RAD54L2: variants seen among roughly 807,000 people sequenced by gnomAD.
RAD54L2 encodes helicase ARIP4.
RAD54L2 carries 27 observed loss-of-function variants against 138.4 expected under a neutral mutation model. That is an observed-to-expected ratio of 0.20 (90% CI 0.14 to 0.27). The LOEUF (loss-of-function observed/expected upper bound fraction) is 0.27, where lower values mean the gene tolerates loss of function less well. RAD54L2 is among the 10% of genes least tolerant of loss of function. RAD54L2 has a pLI of 1.00. For synonymous variants in RAD54L2, 644 were observed against 723.2 expected (o/e 0.89, Z 1.76); for missense variants, 1,396 against 1,890.2 (o/e 0.74, Z 4.85).
intron 2 of RAD54L2, among the ~76,000 whole-genome samples, chr3:51,587,132 G>T (rs948829317): frequency 1.1e-4 from 16 of 149,984 alleles, no homozygotes; most frequent in African/African-American, 3.2e-4. Context: ...TGGGAGTCTC[G>T]CTGTGTCGCC....
chr3:51,602,417 C>T (rs1278212382), intron 3 of RAD54L2, among the ~76,000 whole-genome samples: 5 of 152,188 alleles, frequency 3.3e-5, no homozygotes, highest in Admixed American at 6.5e-5. Context: ...TGTGAATCTA[C>T]GTGACTACTC....
chr3:51,607,828 C>CGGGGCGGCTGGGCA (rs1215452542), intron 3 of RAD54L2, among the ~76,000 whole-genome samples: 5 of 150,078 alleles, frequency 3.3e-5, no homozygotes, highest in Non-Finnish European at 7.4e-5. Flanking sequence ...ACCTCCCAGA[C>CGGGGCGGCTGGGCA]GGGGCGGCTG....
At position 51,594,440 on chromosome 3, in the gene RAD54L2, G is replaced by A. The variant is rs542178546; in HGVS notation, c.139+3881G>A. ...GATACATTTTACAGATGGGGAAACT[G>A]GGGCTCAGAAAGGTGAGTGGCTTAC... is the stretch of plus-strand genomic sequence containing the variant. On this transcript the variant is annotated intron_variant, in intron 3 of 22. Coordinates refer to ENST00000684192, the MANE Select transcript of RAD54L2 (RefSeq NM_015106.4). 2.0e-5 allele frequency among the ~76,000 whole-genome samples: 3 copies of A among 152,280 alleles called. No individual in the cohort carries two copies. The South Asian group carries it at 6.2e-4, about 32-fold the overall frequency.
chr3:51,610,330 A>G lies in RAD54L2; in HGVS notation c.140-17223A>G, dbSNP rs1333415362. On this transcript the variant is annotated intron_variant, in intron 3 of 22. Transcript: ENST00000684192. ...AAAGAATGAATCTTTGGGACCGGGC[A>G]TGGTGGCTCACGCCTGTAATCCCAG... Among the ~76,000 whole-genome samples the G allele has an allele frequency of 1.3e-5, 2 of 152,050 alleles. 1 individual carries two copies. The highest frequency in any genetic ancestry group is 2.9e-5 in the Non-Finnish European group (2 of 68,004).
At chr3:51,555,758 T>G (rs937677233) in intron 2 of RAD54L2, among the ~76,000 whole-genome samples, 1 of 152,194 alleles carries the variant, frequency 6.6e-6, no homozygotes, top group African/African-American at 2.4e-5. Flanking sequence ...TTAAATATTT[T>G]ACAGTTAGAT....
chr3:51,576,279 G>A (rs1198625746), intron 2 of RAD54L2, among the ~76,000 whole-genome samples: 1 of 152,158 alleles, frequency 6.6e-6, no homozygotes, highest in Non-Finnish European at 1.5e-5. Flanking sequence ...TTGCATCGAT[G>A]TTCATCAGGG....
intron 19 of RAD54L2, among the ~76,000 whole-genome samples, chr3:51,652,215 C>T (rs1701458319): frequency 6.6e-6 from 1 of 152,116 alleles, no homozygotes; most frequent in South Asian, 2.1e-4. Flanking sequence ...ACCTAGGAAT[C>T]CAACTTACAA....
intron 2 of RAD54L2, among the ~76,000 whole-genome samples, chr3:51,559,434 T>G (rs992538976): frequency 6.6e-6 from 1 of 152,208 alleles, no homozygotes; most frequent in Non-Finnish European, 1.5e-5. Context: ...TGTCTTACAC[T>G]TGGTAACTCG....
chr3:51,592,310 G>A (rs1364213705), intron 3 of RAD54L2, among the ~76,000 whole-genome samples: 1 of 151,808 alleles, frequency 6.6e-6, no homozygotes, highest in Non-Finnish European at 1.5e-5. Context: ...TGATCTGCCC[G>A]CCTTGGCCTC....
At chr3:51,566,328 A>G (rs1314251050) in intron 2 of RAD54L2, among the ~76,000 whole-genome samples, 1 of 152,040 alleles carries the variant, frequency 6.6e-6, no homozygotes, top group African/African-American at 2.4e-5. Context: ...TTTAAAGGGT[A>G]CACTCCCAGT....
chr3:51,622,361 T>G (rs1700585097), intron 3 of RAD54L2, among the ~76,000 whole-genome samples: 1 of 152,064 alleles, frequency 6.6e-6, no homozygotes, highest in African/African-American at 2.4e-5. Context: ...TTTGGGAGGC[T>G]TTTTGTAATA....
At chr3:51,571,617 C>T (rs1246288820) in intron 2 of RAD54L2, among the ~76,000 whole-genome samples, 1 of 151,964 alleles carries the variant, frequency 6.6e-6, no homozygotes, top group Non-Finnish European at 1.5e-5. Context: ...ACCTGCACAC[C>T]TGGGCCTCCC....
At chr3:51,557,354 T>A (rs1698996151) in intron 2 of RAD54L2, among the ~76,000 whole-genome samples, 1 of 151,842 alleles carries the variant, frequency 6.6e-6, no homozygotes, top group Non-Finnish European at 1.5e-5. Flanking sequence ...AGCTAATTTT[T>A]AAATTTATGT....
Position 51,543,669 on chromosome 3 carries a change from GC to G in RAD54L2, c.-55+2021del, listed in dbSNP as rs1354222675. 1.4e-4 allele frequency among the ~76,000 whole-genome samples: 21 copies of G among 151,474 alleles called. 1 individual carries two copies. The highest frequency in any genetic ancestry group is 1.4e-3 in the Admixed American group (21 of 15,192). ...TCTGGTCTCTAACATCTAGACCCTG[GC>G]CTGTCTCTGCTTCAGCATCTCATAA... On this transcript the variant is annotated intron_variant, in intron 2 of 22. Transcript: ENST00000684192.
chr3:51,640,973 T>G (rs1559648758), intron 14 of RAD54L2, among the ~76,000 whole-genome samples: 1 of 152,150 alleles, frequency 6.6e-6, no homozygotes, highest in Non-Finnish European at 1.5e-5. Context: ...TTGGTTGTTC[T>G]TGGTATAGTT....
chr3:51,588,636 T>TTG (rs1312401085), intron 2 of RAD54L2, among the ~76,000 whole-genome samples: 2 of 152,106 alleles, frequency 1.3e-5, no homozygotes, highest in African/African-American at 4.8e-5. Flanking sequence ...TATATTTACT[T>TTG]TATCAAAGAG....
In RAD54L2 at chr3:51,645,251, G is replaced by A. The variant is rs372182083; in HGVS notation, c.2656+22G>A. 128 of 1,579,098 alleles carry A rather than the reference G, an allele frequency of 8.1e-5. No individual in the cohort carries two copies. The highest frequency in any genetic ancestry group is 1.0e-4 in the Non-Finnish European group (120 of 1,154,394). ...TCAGGTGGGCCATCTTCCAGACTTC[G>A]GAGAGGCACATCTATACAGGCTACC... On this transcript the variant is annotated intron_variant, in intron 17 of 22. Transcript: ENST00000684192. This position sits in a 1 kb window ranked among gnomAD's most constrained non-coding sequence, Gnocchi z 6.1.
chr3:51,581,866 G>A (rs1227778866), intron 2 of RAD54L2, among the ~76,000 whole-genome samples: 2 of 152,022 alleles, frequency 1.3e-5, no homozygotes, highest in Non-Finnish European at 2.9e-5. Flanking sequence ...GAAGTCTGAG[G>A]AAAGTGGACC....
At position 51,663,656 on chromosome 3, in the gene RAD54L2, A is replaced by G. The variant is rs1330251944; in HGVS notation, c.*236A>G. The G allele has an allele frequency of 2.0e-6, 1 of 509,890 alleles. No individual in the cohort carries two copies. Among genetic ancestry groups the G allele is most frequent in the African/African-American group, 1.9e-5 (1 of 51,622 alleles). 31.6% of individuals were successfully genotyped at this position (509,890 alleles called of 1,614,324 possible). A position where few individuals can be genotyped will look rare whatever the true frequency, so the allele number is the denominator to read the frequency against. On this transcript the variant is annotated 3_prime_UTR_variant, in exon 23 of 23. Coordinates refer to ENST00000684192, the MANE Select transcript of RAD54L2 (RefSeq NM_015106.4). Reference sequence around the variant, plus strand: ...AGCAATAGCGGGAAATCAGGGACCCAAAACAGGGATGGAGGGGCAGTGCAG... The same window carrying G: ...AGCAATAGCGGGAAATCAGGGACCCGAAACAGGGATGGAGGGGCAGTGCAG...
Sources: allele counts gnomAD v4.1 joint callset (sites outside exome capture counted in the v4.1 genomes callset), GRCh38; gene constraint gnomAD v4.1.1; non-coding constraint Gnocchi (gnomAD v3.1); transcripts MANE v1.5; gene names NCBI Gene and HGNC (gene_info 2026-07-23, HGNC 2026-07-21).